Variants in UBE3D observed in about 807,000 individuals in gnomAD.
UBE3D encodes the protein E3 ubiquitin-protein ligase E3D.
In UBE3D, 48 loss-of-function variants were observed where a neutral mutation model predicts 49.6. That is an observed-to-expected ratio of 0.97 (90% CI 0.77 to 1.23). The LOEUF is 1.23. UBE3D is among the 50% of genes most tolerant of loss of function. The pLI, the probability that UBE3D is intolerant of heterozygous loss-of-function variation, is 0.00. For missense variants in UBE3D, 452 were observed against 468.4 expected, an observed-to-expected ratio of 0.96 and a Z score of 0.32; for synonymous variants, 189 against 174.2, an observed-to-expected ratio of 1.08 and a Z score of -0.67.
In UBE3D at chr6:83,038,496, G is replaced by C. The variant is rs777392704; in HGVS notation, c.598-11C>G. On this transcript the variant is annotated splice_polypyrimidine_tract_variant and intron_variant, in intron 4 of 9. Coordinates refer to ENST00000369747, the MANE Select transcript of UBE3D (RefSeq NM_198920.3). ...ATTTGCCTTTGGTTCCTGTAGAACA[G>C]AAAAATGTCATTTAAATGTCATTCA... 1.3e-6 allele frequency: 2 copies of C among 1,599,976 alleles called. No homozygotes were observed. Among genetic ancestry groups the C allele is most frequent in the Non-Finnish European group, 1.7e-6 (2 of 1,175,176 alleles).
At chr6:82,959,195 A>G (rs1050462827) in intron 8 of UBE3D, among the ~76,000 whole-genome samples, 10 of 151,612 alleles carry the variant, frequency 6.6e-5, no homozygotes, top group Non-Finnish European at 1.2e-4. Context: ...TAATCTTTAC[A>G]TACAACTTGT....
intron 5 of UBE3D, among the ~76,000 whole-genome samples, chr6:83,031,739 G>A (rs1311313319): frequency 2.0e-5 from 3 of 152,230 alleles, no homozygotes; most frequent in Admixed American, 6.5e-5. Flanking sequence ...TCCCATCACA[G>A]GCCTGGAGGC....
intron 9 of UBE3D, among the ~76,000 whole-genome samples, chr6:82,954,869 G>A (rs1487118354): frequency 4.6e-5 from 7 of 152,160 alleles, no homozygotes; most frequent in African/African-American, 7.2e-5. Flanking sequence ...TTCCTGGTAT[G>A]TTCCTTATAA....
intron 3 of UBE3D, chr6:83,049,783 A>G (rs763922593): frequency 6.6e-5 from 31 of 471,118 alleles, no homozygotes; most frequent in South Asian, 4.5e-4. Context: ...CTGAAAATCG[A>G]AAGGCTTGAG....
chr6:83,047,201 C>T (rs763322860), intron 3 of UBE3D, among the ~76,000 whole-genome samples: 1 of 152,196 alleles, frequency 6.6e-6, no homozygotes, highest in Non-Finnish European at 1.5e-5. Flanking sequence ...AGCCACCTAG[C>T]TCTGTTACCC....
At chr6:82,976,562 G>A in intron 8 of UBE3D, among the ~76,000 whole-genome samples, 1 of 151,924 alleles carries the variant, frequency 6.6e-6, no homozygotes, top group East Asian at 1.9e-4. Context: ...CTCTACCTCT[G>A]ACCTTCAGCC....
chr6:83,005,213 C>T (rs1038760777), intron 8 of UBE3D, among the ~76,000 whole-genome samples: 1 of 151,734 alleles, frequency 6.6e-6, no homozygotes, highest in African/African-American at 2.4e-5. Context: ...ATACAAATAA[C>T]CAACGAACAC....
intron 8 of UBE3D, among the ~76,000 whole-genome samples, chr6:82,981,225 G>A (rs566992381): frequency 2.0e-5 from 3 of 152,038 alleles, no homozygotes; most frequent in African/African-American, 7.2e-5. Flanking sequence ...CTTTGAGGCT[G>A]TCTTTTTAGC....
chr6:82,981,523 A>G (rs1778120259), intron 8 of UBE3D, among the ~76,000 whole-genome samples: 1 of 151,978 alleles, frequency 6.6e-6, no homozygotes, highest in Non-Finnish European at 1.5e-5. Flanking sequence ...CAAGTCACTC[A>G]TCTTTTGGAG....
At chr6:82,965,115 T>A (rs1776817980) in intron 8 of UBE3D, among the ~76,000 whole-genome samples, 4 of 152,170 alleles carry the variant, frequency 2.6e-5, no homozygotes, top group Admixed American at 2.6e-4. Context: ...AAGGTAAATC[T>A]CCCACACATC....
At chr6:83,040,735 T>C (rs949991872) in intron 4 of UBE3D, among the ~76,000 whole-genome samples, 2 of 152,172 alleles carry the variant, frequency 1.3e-5, no homozygotes, top group Non-Finnish European at 2.9e-5. Context: ...TGGCTCAAAC[T>C]TTTATCCAGG....
At chr6:83,018,654 C>T (rs566680923) in intron 8 of UBE3D, 72 of 262,446 alleles carry the variant, frequency 2.7e-4, no homozygotes, top group Non-Finnish European at 4.4e-4. Context: ...ATTATTGTAT[C>T]CTGATGCCTG....
At chr6:82,942,333 T>C (rs1191637765) in intron 9 of UBE3D, among the ~76,000 whole-genome samples, 2 of 152,174 alleles carry the variant, frequency 1.3e-5, no homozygotes, top group Non-Finnish European at 2.9e-5. Flanking sequence ...GCATAAAAGA[T>C]TGGAAAATTT....
intron 9 of UBE3D, among the ~76,000 whole-genome samples, chr6:82,917,225 G>A (rs1358965705): frequency 6.6e-6 from 1 of 152,156 alleles, no homozygotes; most frequent in Non-Finnish European, 1.5e-5. Flanking sequence ...AAGAAGGAAG[G>A]GAAGAAAGGA....
intron 9 of UBE3D, among the ~76,000 whole-genome samples, chr6:82,902,825 C>A (rs1771835513): frequency 6.6e-6 from 1 of 152,086 alleles, no homozygotes; most frequent in South Asian, 2.1e-4. Flanking sequence ...TGTTTTTGTG[C>A]AGTGAAGAAA....
At chr6:83,049,366 C>T (rs1783303518) in intron 3 of UBE3D, among the ~76,000 whole-genome samples, 1 of 152,190 alleles carries the variant, frequency 6.6e-6, no homozygotes, top group Admixed American at 6.5e-5. Context: ...CATTCTCTGA[C>T]TGGCAGGCCA....
chr6:83,001,028 G>C (rs1046344460), intron 8 of UBE3D, among the ~76,000 whole-genome samples: 3 of 152,106 alleles, frequency 2.0e-5, no homozygotes, highest in African/African-American at 7.2e-5. Context: ...ATTTTTAGTA[G>C]AGATGGGGTT....
At chr6:82,899,135 C>T (rs1320397966) in intron 9 of UBE3D, among the ~76,000 whole-genome samples, 1 of 152,116 alleles carries the variant, frequency 6.6e-6, no homozygotes, top group African/African-American at 2.4e-5. Flanking sequence ...GAGCCATAAA[C>T]CCCGGCATGC....
chr6:83,034,580 T>C (rs964118649), intron 5 of UBE3D, among the ~76,000 whole-genome samples: 1 of 152,144 alleles, frequency 6.6e-6, no homozygotes, highest in Non-Finnish European at 1.5e-5. Flanking sequence ...TGGTCTCTAA[T>C]GGTTTAGCAC....
Sources: allele counts gnomAD v4.1 joint callset (sites outside exome capture counted in the v4.1 genomes callset), GRCh38; gene constraint gnomAD v4.1.1; transcripts MANE v1.5; gene names NCBI Gene and HGNC (gene_info 2026-07-23, HGNC 2026-07-21).